Variants in ZDHHC19 observed in about 807,000 individuals in gnomAD.
ZDHHC19 encodes palmitoyltransferase ZDHHC19.
In ZDHHC19, 30 loss-of-function variants were observed where a neutral mutation model predicts 33.9. The ratio of observed to expected loss-of-function variants is 0.88; its 90% CI spans 0.66 to 1.20. The LOEUF (loss-of-function observed/expected upper bound fraction) is 1.20, where lower values mean the gene tolerates loss of function less well. Among genes scored for constraint, ZDHHC19 ranks in the 50% most tolerant of loss-of-function variants. ZDHHC19 has a pLI of 0.00. For synonymous variants in ZDHHC19, 178 were observed against 167.6 expected, an observed-to-expected ratio of 1.06 and a Z score of -0.48; for missense variants, 364 against 401.1, an observed-to-expected ratio of 0.91 and a Z score of 0.79.
chr3:196,198,707 G>A, intron 6 of ZDHHC19, 82 bp downstream of exon 6: 1 of 1,606,460 alleles, frequency 6.2e-7, no homozygotes, highest in Non-Finnish European at 8.5e-7. Context: ...AAGGGCCTGG[G>A]GCTGTGGTAA....
chr3:196,210,561 G>A, intron 2 of ZDHHC19, 55 bp downstream of exon 2: 1 of 1,611,318 alleles, frequency 6.2e-7, no homozygotes, highest in Non-Finnish European at 8.5e-7. Context: ...AATCCCCCCT[G>A]CAGGTTCCCA....
intron 6 of ZDHHC19, 147 bp from the exon 7 acceptor site, chr3:196,198,598 C>T: frequency 1.9e-6 from 3 of 1,547,702 alleles, no homozygotes; most frequent in Non-Finnish European, 2.6e-6. Flanking sequence ...GCCCTGTATG[C>T]CATAGTGGGG....
At chr3:196,211,088 C>G in intron 1 of ZDHHC19, 82 bp downstream of exon 1, 1 of 1,603,828 alleles carries the variant, frequency 6.2e-7, no homozygotes, top group East Asian at 2.2e-5. Flanking sequence ...GTCTTCTGCA[C>G]TCCCCTGCCT....
rs1721963808 is a variant in ZDHHC19 at position 196,198,337 on chromosome 3, A to T, written c.888T>A (p.Ser296=). The part of the protein sequence containing the change: ...PSALNPPAPT[S]GSLQSREGTP... ...TCCCTTCCCTGCTTTGTAGGGACCC[A>T]GAGGTTGGGGCTGGGGGGTTGAGAG... Residue 296 remains serine, a synonymous_variant, in exon 7 of 8, where the codon TCT becomes TCA. Coordinates refer to ENST00000296326, the MANE Select transcript of ZDHHC19 (RefSeq NM_001039617.2). The T allele has an allele frequency of 1.3e-6, 2 of 1,515,252 alleles. No homozygotes were observed. The highest frequency in any genetic ancestry group is 8.8e-7 in the Non-Finnish European group (1 of 1,132,538). The allele number at this position is 1,515,252 out of a possible 1,614,324, so 93.9% of individuals were successfully genotyped here.
chr3:196,200,231 C>T (rs551754548), intron 5 of ZDHHC19, among the ~76,000 whole-genome samples: 15 of 146,152 alleles, frequency 1.0e-4, no homozygotes, highest in South Asian at 6.6e-4. Flanking sequence ...GCTATGATTA[C>T]GCCACTGCAC....
chr3:196,202,164 G>A (rs189958270), intron 5 of ZDHHC19, among the ~76,000 whole-genome samples: 25 of 152,096 alleles, frequency 1.6e-4, no homozygotes, highest in Admixed American at 1.2e-3. Context: ...AATAAAATAC[G>A]AAAATTTTTA....
At chr3:196,208,314 C>CCAA in intron 4 of ZDHHC19, 74 bp downstream of exon 4, 10 of 1,453,926 alleles carry the variant, frequency 6.9e-6, no homozygotes, top group South Asian at 1.3e-5. Flanking sequence ...GCCCCGCCCC[C>CCAA]ATAGCCCCGC....
At chr3:196,206,271 C>T (rs1196749090) in intron 5 of ZDHHC19, among the ~76,000 whole-genome samples, 2 of 151,496 alleles carry the variant, frequency 1.3e-5, no homozygotes, top group East Asian at 2.0e-4. Flanking sequence ...AGGCTGGTCT[C>T]GAACTCCCAG....
chr3:196,207,275 G>C (rs1722811727), intron 5 of ZDHHC19, 123 bp downstream of exon 5: 2 of 804,286 alleles, frequency 2.5e-6, no homozygotes, highest in Non-Finnish European at 2.0e-6. Context: ...GCTGGGTCTG[G>C]AGGGACCTAA....
In ZDHHC19 at chr3:196,198,256, C is replaced by G. The variant is rs112752599; in HGVS notation, c.*19+20G>C. Reference sequence around the variant, plus strand: ...CCCTCCCGACACGCACAGACACCCACGCACACACACGCTTCTTACCTCCTG... The same window carrying G: ...CCCTCCCGACACGCACAGACACCCAGGCACACACACGCTTCTTACCTCCTG... On this transcript the variant is annotated intron_variant, in intron 7 of 7. Coordinates refer to ENST00000296326, the MANE Select transcript of ZDHHC19 (RefSeq NM_001039617.2). 48 of 1,483,340 alleles carry G rather than the reference C, an allele frequency of 3.2e-5. No homozygotes were observed. Among genetic ancestry groups the G allele is most frequent in the Non-Finnish European group, 4.1e-5 (46 of 1,118,166 alleles). 91.9% of individuals were successfully genotyped at this position (1,483,340 alleles called of 1,614,324 possible). A position where few individuals can be genotyped will look rare whatever the true frequency, so the allele number is the denominator to read the frequency against.
Position 196,209,148 on chromosome 3 carries a change from G to A in ZDHHC19, c.408+228C>T, listed in dbSNP as rs577213756. On this transcript the variant is annotated intron_variant, in intron 3 of 7. Transcript: ENST00000296326. ...GCCTGACCCAGCCCAGGACAGATGC[G>A]GATGCCCTGTGCATGTCAGCACCTC... 42 of 581,462 alleles carry A rather than the reference G, an allele frequency of 7.2e-5. 1 individual carries two copies. The highest frequency in any genetic ancestry group is 4.5e-4 in the South Asian group (19 of 41,876). 36.0% of individuals were successfully genotyped at this position (581,462 alleles called of 1,614,324 possible).
intron 7 of ZDHHC19, 124 bp downstream of exon 7, chr3:196,198,152 C>CA: frequency 7.1e-6 from 7 of 985,934 alleles, no homozygotes; most frequent in Non-Finnish European, 9.5e-6. Flanking sequence ...CTCCTCCCCC[C>CA]AAGCTCGGAG....
At chr3:196,210,450 A>AAAGAG (rs1409018472) in intron 2 of ZDHHC19, among the ~76,000 whole-genome samples, 166 bp downstream of exon 2, 1 of 151,936 alleles carries the variant, frequency 6.6e-6, no homozygotes, top group African/African-American at 2.4e-5. Context: ...GAAAGAAAGA[A>AAAGAG]AAGAGAAGAG....
intron 2 of ZDHHC19, among the ~76,000 whole-genome samples, chr3:196,210,019 A>G (rs113317967): frequency 6.6e-6 from 1 of 152,044 alleles, no homozygotes; most frequent in Admixed American, 6.6e-5. Flanking sequence ...GTGAAACCCC[A>G]TCTCTACTAA....
At chr3:196,211,042 G>T in intron 1 of ZDHHC19, 128 bp downstream of exon 1, 1 of 1,480,748 alleles carries the variant, frequency 6.8e-7, no homozygotes, top group Non-Finnish European at 9.2e-7. Flanking sequence ...CGGTTCCCTC[G>T]AACAGAATAT....
rs144340833 is a variant in ZDHHC19, at chr3:196,203,284, G to A, written c.687+4114C>T. On this transcript the variant is annotated intron_variant, in intron 5 of 7. Transcript: ENST00000296326. This position sits in a 1 kb window ranked among gnomAD's most constrained non-coding sequence, Gnocchi z 4.3. ...AAGAAAGAAAGAAGAAAGAAAGAGA[G>A]AGAGAAATTGAACGGTATTAATAGT... Among the ~76,000 whole-genome samples, 79 of 152,174 alleles carry A rather than the reference G, an allele frequency of 5.2e-4. 1 individual carries two copies. Among genetic ancestry groups the A allele is most frequent in the African/African-American group, 1.9e-3 (77 of 41,516 alleles).
intron 3 of ZDHHC19, 79 bp from the exon 4 acceptor site, chr3:196,208,639 C>A: frequency 6.6e-7 from 1 of 1,516,336 alleles, no homozygotes; most frequent in Non-Finnish European, 8.9e-7. Flanking sequence ...CTGAGGCCCT[C>A]CCCCTGCCTT....
At chr3:196,208,249 C>A in intron 4 of ZDHHC19, 139 bp downstream of exon 4, 3 of 502,412 alleles carry the variant, frequency 6.0e-6, no homozygotes, top group Non-Finnish European at 9.0e-6. Context: ...CATCCCCCGA[C>A]CCCGCCCACC....
rs970590647 is a variant in ZDHHC19, at chr3:196,203,546, A to G, written c.687+3852T>C. Reference sequence around the variant, plus strand: ...AGGGATGGAGGAGGAAGGGAATGAGATTTGGGGCATGTGAAGAAGGCCTGA... The same window carrying G: ...AGGGATGGAGGAGGAAGGGAATGAGGTTTGGGGCATGTGAAGAAGGCCTGA... On this transcript the variant is annotated intron_variant, in intron 5 of 7. Coordinates refer to ENST00000296326, the MANE Select transcript of ZDHHC19 (RefSeq NM_001039617.2). The surrounding 1 kb of genome is among the most constrained non-coding windows in gnomAD (Gnocchi z 4.3). Among the ~76,000 whole-genome samples the G allele has an allele frequency of 6.6e-6, 1 of 152,122 alleles. No individual in the cohort carries two copies. Among genetic ancestry groups the G allele is most frequent in the African/African-American group, 2.4e-5 (1 of 41,416 alleles).
Sources: gnomAD v4.1 joint callset for allele counts (sites outside exome capture counted in the v4.1 genomes callset) on GRCh38, gnomAD v4.1.1 for gene constraint, Gnocchi (gnomAD v3.1) non-coding constraint, MANE v1.5 for transcripts, NCBI Gene and HGNC (gene_info 2026-07-23, HGNC 2026-07-21) for gene names.